The following LARGE1 variants were observed in gnomAD, a reference collection of about 807,000 sequenced individuals.
LARGE1 encodes xylosyl- and glucuronyltransferase LARGE1.
LARGE1 carries 43 observed loss-of-function variants against 87.6 expected under a neutral mutation model. The observed-to-expected ratio is 0.49, with a 90% CI of 0.38 to 0.63. The LOEUF is 0.63. LARGE1 is among the 30% of genes least tolerant of loss of function. LARGE1 has a pLI of 0.00. For missense variants in LARGE1, 802 were observed against 1,000.2 expected (o/e 0.80, Z 2.67); for synonymous variants, 434 against 394.6 (o/e 1.10, Z -1.18).
At chr22:33,743,252 T>C (rs1462337429) in intron 2 of LARGE1, 1 of 152,164 alleles carries the variant, frequency 6.6e-6, no homozygotes, top group Non-Finnish European at 1.5e-5. Context: ...AGGTATTTCC[T>C]TGTAGCAACG....
chr22:33,249,221 A>C (rs1926905923), intron 11 of LARGE1, among the ~76,000 whole-genome samples: 1 of 152,182 alleles, frequency 6.6e-6, no homozygotes, highest in South Asian at 2.1e-4. Flanking sequence ...CCAATGTTCC[A>C]GATTTTGGCC....
rs768570179 is a variant in LARGE1 at position 33,626,260 on chromosome 22, A to G, written c.475T>C (p.Ser159Pro). The change falls in exon 4 of 15, where the codon TCC becomes CCC. Residue 159 changes from serine (S) to proline (P), a missense_variant. Transcript: ENST00000397394. ...TGTTCTTACCTATGGAACAGGACGG[A>G]TTTGACCAGGGTGACGACATCCCGG... is the stretch of plus-strand genomic sequence containing the variant. The part of the protein sequence containing the change: ...ASRDVVTLVK[S>P]VLFHRRNPLH... 1 of 1,614,078 alleles carries G rather than the reference A, an allele frequency of 6.2e-7. No individual in the cohort carries two copies. Among genetic ancestry groups the G allele is most frequent in the South Asian group, 1.1e-5 (1 of 91,080 alleles).
chr22:33,530,963 A>G (rs2072169082), intron 6 of LARGE1, among the ~76,000 whole-genome samples: 1 of 152,206 alleles, frequency 6.6e-6, no homozygotes, highest in African/African-American at 2.4e-5. Flanking sequence ...CTACCCAGTC[A>G]TTCAATGTGG....
At chr22:33,349,235 T>C (rs1025904032) in intron 9 of LARGE1, among the ~76,000 whole-genome samples, 1 of 152,208 alleles carries the variant, frequency 6.6e-6, no homozygotes, top group African/African-American at 2.4e-5. Flanking sequence ...AGCTTGTAGA[T>C]GGCAGATGGT....
rs541714032 is a variant in LARGE1 at position 33,416,696 on chromosome 22, T to A, written c.892+15465A>T. ...TCGGCTCACTGCAACCTCCAACTCCTGGGTTCAGGCGATTTTCTTACCTCA... is the reference window on the plus strand; with the variant it reads ...TCGGCTCACTGCAACCTCCAACTCCAGGGTTCAGGCGATTTTCTTACCTCA... On this transcript the variant is annotated intron_variant, in intron 7 of 14. Transcript: ENST00000397394. Among the ~76,000 whole-genome samples the A allele has an allele frequency of 6.6e-5, 10 of 151,888 alleles. No individual in the cohort carries two copies. In the East Asian group the frequency reaches 1.9e-3, roughly 30 times the overall value.
intron 11 of LARGE1, among the ~76,000 whole-genome samples, chr22:33,305,358 T>TTAAA (rs1934738361): frequency 1.0e-5 from 1 of 98,620 alleles, no homozygotes; most frequent in African/African-American, 3.4e-5. Context: ...GGGAAAAAAT[T>TTAAA]AAAAAAAAAA....
At chr22:33,498,019 A>G (rs1474297151) in intron 6 of LARGE1, among the ~76,000 whole-genome samples, 1 of 152,086 alleles carries the variant, frequency 6.6e-6, no homozygotes, top group East Asian at 1.9e-4. Flanking sequence ...AGTAGCTGTG[A>G]TTACAGACGT....
At chr22:33,121,719 T>A in the LARGE1 span, among the ~76,000 whole-genome samples, 1 of 152,188 alleles carries the variant, frequency 6.6e-6, no homozygotes, top group East Asian at 1.9e-4. Context: ...ACTGCTAATG[T>A]GTGAGATATA....
chr22:33,919,080 C>A (rs1380201994), intron 1 of LARGE1, among the ~76,000 whole-genome samples: 1 of 148,600 alleles, frequency 6.7e-6, no homozygotes, highest in South Asian at 2.1e-4. Context: ...CCTGCTCAAC[C>A]GAGGCACATC....
At chr22:33,131,296 T>TTCTC in the LARGE1 span, among the ~76,000 whole-genome samples, 10 of 150,560 alleles carry the variant, frequency 6.6e-5, no homozygotes, top group African/African-American at 2.4e-4. Flanking sequence ...CCTGAGTCTG[T>TTCTC]TCTCTCTCTC....
At chr22:33,649,839 A>C (rs1376027502) in intron 3 of LARGE1, among the ~76,000 whole-genome samples, 2 of 152,230 alleles carry the variant, frequency 1.3e-5, no homozygotes, top group Non-Finnish European at 2.9e-5. Flanking sequence ...GCTAAGAAAG[A>C]AAGCATACCC....
At chr22:33,196,238 G>A (rs73881992) in intron 11 of LARGE1, among the ~76,000 whole-genome samples, 4,585 of 151,294 alleles carry the variant, frequency 0.03, 96 homozygotes, top group Admixed American at 0.057. Flanking sequence ...AGAGATCAAT[G>A]AAATTGATAA....
intron 1 of LARGE1, among the ~76,000 whole-genome samples, chr22:33,785,009 G>A (rs1241362645): frequency 2.0e-5 from 3 of 150,056 alleles, no homozygotes; most frequent in South Asian, 2.1e-4. Context: ...ATACATATAT[G>A]TGTATACATA....
upstream of LARGE1, among the ~76,000 whole-genome samples, chr22:33,920,606 G>A (rs1228260688): frequency 2.1e-5 from 3 of 145,168 alleles, no homozygotes; most frequent in Non-Finnish European, 4.6e-5. Flanking sequence ...CCTCGCCCCG[G>A]CCTGGGGCGC....
intron 11 of LARGE1, among the ~76,000 whole-genome samples, chr22:33,258,537 C>A (rs1927441330): frequency 6.6e-6 from 1 of 152,124 alleles, no homozygotes. Context: ...ACTTTCTGGA[C>A]TGCATTTCCA....
At chr22:33,922,113 T>A (rs962056726), upstream of LARGE1, among the ~76,000 whole-genome samples, 1 of 151,862 alleles carries the variant, frequency 6.6e-6, no homozygotes, top group East Asian at 1.9e-4. Context: ...TTGCCTTCCC[T>A]CTGCGCGCCT....
intron 1 of LARGE1, among the ~76,000 whole-genome samples, chr22:33,898,450 T>C (rs945530241): frequency 1.2e-4 from 19 of 152,220 alleles, no homozygotes; most frequent in Non-Finnish European, 2.4e-4. Context: ...CACAAGATCA[T>C]TACAAGATTC....
chr22:33,224,296 A>G (rs557983675), intron 11 of LARGE1, among the ~76,000 whole-genome samples: 4 of 150,884 alleles, frequency 2.7e-5, no homozygotes, highest in Admixed American at 6.5e-5. Flanking sequence ...AAGAAAAAAA[A>G]AGAAGGTGCT....
intron 9 of LARGE1, among the ~76,000 whole-genome samples, chr22:33,360,785 C>G (rs2064359899): frequency 6.7e-6 from 1 of 149,770 alleles, no homozygotes; most frequent in Non-Finnish European, 1.5e-5. Context: ...AGTTTTCCTG[C>G]CCAGCCCACC....
Sources: allele counts gnomAD v4.1 joint callset (sites outside exome capture counted in the v4.1 genomes callset), GRCh38; gene constraint gnomAD v4.1.1; transcripts MANE v1.5; gene names NCBI Gene and HGNC (gene_info 2026-07-23, HGNC 2026-07-21).